Variants in CCND3 observed in about 807,000 individuals in gnomAD.
CCND3 encodes cyclin D3.
In CCND3, 9 loss-of-function variants were observed where a neutral mutation model predicts 28.7. The observed-to-expected ratio is 0.31, with a 90% CI of 0.19 to 0.55. The LOEUF is 0.55. CCND3 is among the 20% of genes least tolerant of loss of function. The probability of loss-of-function intolerance (pLI) is 0.93; values close to 1 mark genes in which losing one functional copy is unlikely to be tolerated. For synonymous variants in CCND3, 164 were observed against 163.9 expected (o/e 1.00, Z 0.00); for missense variants, 315 against 385.8 (o/e 0.82, Z 1.54).
chr6:41,959,190 T>C (rs77305254), intron 1 of CCND3, among the ~76,000 whole-genome samples: 46 of 152,174 alleles, frequency 3.0e-4, no homozygotes, highest in African/African-American at 1.1e-3. Context: ...AGCGCATACC[T>C]GTAATCTCAG....
chr6:42,018,031 C>CAG (rs1763574751), intron 1 of CCND3, among the ~76,000 whole-genome samples: 1 of 151,518 alleles, frequency 6.6e-6, no homozygotes, highest in East Asian at 2.0e-4. Flanking sequence ...TGCCTGTAGT[C>CAG]CCAGCTACTC....
intron 1 of CCND3, among the ~76,000 whole-genome samples, chr6:41,959,528 C>CA (rs895130739): frequency 6.6e-6 from 1 of 151,582 alleles, no homozygotes; most frequent in Middle Eastern, 3.2e-3. Flanking sequence ...ACTAAAAATA[C>CA]AAAAAATTAG....
intron 1 of CCND3, among the ~76,000 whole-genome samples, chr6:41,965,587 C>A (rs1488717609): frequency 6.6e-6 from 1 of 152,120 alleles, no homozygotes; most frequent in Non-Finnish European, 1.5e-5. Flanking sequence ...ATGCAAGGAA[C>A]ATCCACATTT....
chr6:42,040,826 G>A (rs1764348757), intron 1 of CCND3, among the ~76,000 whole-genome samples: 1 of 151,494 alleles, frequency 6.6e-6, no homozygotes, highest in Admixed American at 6.6e-5. Flanking sequence ...ACTCCAGCCT[G>A]GGTGACAGAG....
intron 1 of CCND3, among the ~76,000 whole-genome samples, chr6:42,041,019 GAA>G (rs1764357629): frequency 6.6e-6 from 1 of 152,212 alleles, no homozygotes; most frequent in Non-Finnish European, 1.5e-5. Flanking sequence ...CTGGCACATG[GAA>G]GTGTTGTGTA....
rs372904520 is a variant in CCND3 at position 42,034,469 on chromosome 6, T to TC, written c.-46+14031_-46+14032insG. Among the ~76,000 whole-genome samples the TC allele has an allele frequency of 6.0e-3, 240 of 40,106 alleles. 4 individuals are homozygous for TC. Among genetic ancestry groups the TC allele is most frequent in the South Asian group, 0.017 (14 of 808 alleles). 26.3% of individuals were successfully genotyped at this position (40,106 alleles called of 152,430 possible). On this transcript the variant is annotated intron_variant, in intron 1 of 4. Transcript: ENST00000372988. ...CCGTGCCTGGCCAACCCTGTCACTC[T>TC]TTTTTTTTTTTTTTTTTTTTTTTTT...
chr6:42,020,374 A>C (rs899439976), intron 1 of CCND3, among the ~76,000 whole-genome samples: 1 of 152,184 alleles, frequency 6.6e-6, no homozygotes, highest in Non-Finnish European at 1.5e-5. Flanking sequence ...CCTGCAACTG[A>C]CCCAACATGC....
upstream of CCND3, among the ~76,000 whole-genome samples, chr6:41,942,330 G>A (rs1273070069): frequency 2.6e-5 from 4 of 152,318 alleles, no homozygotes; most frequent in South Asian, 2.1e-4. Flanking sequence ...CAGATTCTGT[G>A]TTCTACACCA....
At chr6:42,012,976 A>G (rs1582161737) in intron 1 of CCND3, among the ~76,000 whole-genome samples, 1 of 151,744 alleles carries the variant, frequency 6.6e-6, no homozygotes, top group South Asian at 2.1e-4. Context: ...CTGAGCTGAA[A>G]CCTTCCTTCC....
At chr6:41,940,033 A>G (rs1218573795) in intron 2 of CCND3, among the ~76,000 whole-genome samples, 1 of 152,046 alleles carries the variant, frequency 6.6e-6, no homozygotes, top group Non-Finnish European at 1.5e-5. Context: ...TAAATAACTC[A>G]TGGTGGCTGC....
chr6:41,946,595 CAAAAAAAAAAAAAAAAA>C (rs35369019), upstream of CCND3, among the ~76,000 whole-genome samples: 10 of 20,934 alleles, frequency 4.8e-4, no homozygotes, highest in Non-Finnish European at 5.0e-4. Flanking sequence ...AGACCTGTCT[CAAAAAAAAAAAAAAAAA>C]AAAAAAAAAA....
chr6:42,044,156 G>A (rs141570046), intron 1 of CCND3, among the ~76,000 whole-genome samples: 308 of 152,394 alleles, frequency 2.0e-3, no homozygotes, highest in African/African-American at 7.2e-3. Context: ...CTGGGGACGG[G>A]TGTATGCCGC....
intron 1 of CCND3, among the ~76,000 whole-genome samples, chr6:42,025,321 A>G (rs1034298050): frequency 6.6e-5 from 10 of 152,206 alleles, no homozygotes; most frequent in Admixed American, 2.6e-4. Flanking sequence ...AAGGCCTCAC[A>G]GAGGAAGTGT....
intron 1 of CCND3, among the ~76,000 whole-genome samples, chr6:41,991,064 T>C (rs1333032602): frequency 2.6e-5 from 4 of 151,620 alleles, no homozygotes; most frequent in Non-Finnish European, 5.9e-5. Flanking sequence ...GGGAAAACTT[T>C]TTTTTTTTTT....
intron 1 of CCND3, among the ~76,000 whole-genome samples, chr6:42,009,620 A>AAAAACAAAAC (rs61144625): frequency 0.076 from 11,418 of 150,460 alleles, 586 homozygotes; most frequent in Non-Finnish European, 0.12. Context: ...TTCAAAACAA[A>AAAAACAAAAC]AAAACAAAAC....
chr6:42,047,425 G>A lies in CCND3; in HGVS notation c.-46+1076C>T, dbSNP rs565606785. Among the ~76,000 whole-genome samples, 235 of 152,338 alleles carry A rather than the reference G, an allele frequency of 1.5e-3. No individual in the cohort carries two copies. The Middle Eastern group carries it at 0.024, about 15-fold the overall frequency. On this transcript the variant is annotated intron_variant, in intron 1 of 4. Transcript: ENST00000372988. ...AGAAGAATCTGTGAGGAAGCAAAGG[G>A]AGATCCACTTCTCTATCCACGTCTG...
At chr6:41,983,198 C>A (rs1433160828) in intron 1 of CCND3, among the ~76,000 whole-genome samples, 1 of 151,762 alleles carries the variant, frequency 6.6e-6, no homozygotes, top group African/African-American at 2.4e-5. Flanking sequence ...GCCAACATGG[C>A]GAAACCCTGT....
intron 1 of CCND3, among the ~76,000 whole-genome samples, chr6:41,970,856 G>C (rs1582119014): frequency 2.0e-5 from 3 of 151,606 alleles, no homozygotes; most frequent in Admixed American, 2.0e-4. Flanking sequence ...TTTGTGTTCT[G>C]TTTTTTTTCC....
At chr6:42,011,094 A>ATGAG (rs1443998257) in intron 1 of CCND3, 1 of 152,054 alleles carries the variant, frequency 6.6e-6, no homozygotes, top group East Asian at 1.9e-4. Flanking sequence ...GAATGAATGA[A>ATGAG]TGAATGAATG....
Sources: allele counts gnomAD v4.1 joint callset (sites outside exome capture counted in the v4.1 genomes callset), GRCh38; gene constraint gnomAD v4.1.1; transcripts MANE v1.5; gene names NCBI Gene and HGNC (gene_info 2026-07-23, HGNC 2026-07-21).